Variants in GABRB2 observed in about 807,000 individuals in gnomAD.
GABRB2 encodes gamma-aminobutyric acid type A receptor subunit beta2.
GABRB2 carries 16 observed loss-of-function variants against 54.7 expected under a neutral mutation model. The ratio of observed to expected loss-of-function variants is 0.29; its 90% CI spans 0.20 to 0.44. The LOEUF is 0.44. Ranked by LOEUF, GABRB2 falls within the 20% of genes least tolerant of loss-of-function variation. The pLI, the probability that GABRB2 is intolerant of heterozygous loss-of-function variation, is 1.00. For synonymous variants in GABRB2, 244 were observed against 233.8 expected, an observed-to-expected ratio of 1.04 and a Z score of -0.40; for missense variants, 355 against 644.0, an observed-to-expected ratio of 0.55 and a Z score of 4.86.
chr5:161,532,745 A>G (rs1026470311), intron 3 of GABRB2, among the ~76,000 whole-genome samples: 1 of 152,128 alleles, frequency 6.6e-6, no homozygotes. Context: ...TCTTTCTTCT[A>G]CACAGCTTAA....
intron 3 of GABRB2, among the ~76,000 whole-genome samples, chr5:161,473,276 T>C (rs1011819207): frequency 2.0e-5 from 3 of 151,970 alleles, no homozygotes; most frequent in African/African-American, 7.2e-5. Context: ...ATAGAGAAAC[T>C]CAGCAGATTT....
At chr5:161,309,922 C>T (rs574834877) in intron 9 of GABRB2, among the ~76,000 whole-genome samples, 128 of 152,210 alleles carry the variant, frequency 8.4e-4, no homozygotes, top group African/African-American at 2.6e-3. Flanking sequence ...TGAGCCACCG[C>T]GCCTGGCCCT....
At chr5:161,548,020 G>C (rs867836357), upstream of GABRB2, 5 of 152,384 alleles carry the variant, frequency 3.3e-5, no homozygotes, top group African/African-American at 1.2e-4. Context: ...AGCCGGAGCG[G>C]TCCCTAGAAG....
intron 4 of GABRB2, among the ~76,000 whole-genome samples, chr5:161,456,928 T>C (rs150057040): frequency 6.6e-6 from 1 of 152,328 alleles, no homozygotes; most frequent in African/African-American, 2.4e-5. Context: ...TAATATATTT[T>C]AGCATTATAT....
At chr5:161,370,335 G>T (rs528022073) in intron 5 of GABRB2, among the ~76,000 whole-genome samples, 4 of 152,304 alleles carry the variant, frequency 2.6e-5, no homozygotes, top group South Asian at 2.1e-4. Flanking sequence ...CCATCACAGT[G>T]ATGATAAATC....
chr5:161,544,598 C>T (rs1418714098), intron 3 of GABRB2, among the ~76,000 whole-genome samples: 1 of 152,174 alleles, frequency 6.6e-6, no homozygotes, highest in African/African-American at 2.4e-5. Context: ...AAGCTTAGGA[C>T]ATGTGGTGAA....
chr5:161,531,039 A>G (rs1233404804), intron 3 of GABRB2, among the ~76,000 whole-genome samples: 3 of 152,184 alleles, frequency 2.0e-5, no homozygotes, highest in African/African-American at 7.2e-5. Context: ...GAATTACAGA[A>G]TAAGTCCTGA....
At chr5:161,415,301 T>C (rs1351952190) in intron 4 of GABRB2, among the ~76,000 whole-genome samples, 1 of 152,208 alleles carries the variant, frequency 6.6e-6, no homozygotes, top group Non-Finnish European at 1.5e-5. Flanking sequence ...TAAATTCTAT[T>C]GTATGATGAA....
chr5:161,339,615 T>C (rs937295506), intron 5 of GABRB2, among the ~76,000 whole-genome samples: 1 of 152,152 alleles, frequency 6.6e-6, no homozygotes, highest in African/African-American at 2.4e-5. Flanking sequence ...TATTGAGTGA[T>C]GTTATTCATT....
intron 5 of GABRB2, among the ~76,000 whole-genome samples, chr5:161,370,655 G>T (rs1293102175): frequency 6.6e-6 from 1 of 152,188 alleles, no homozygotes; most frequent in Admixed American, 6.5e-5. Flanking sequence ...TCCAGCAAGA[G>T]ACTGAAATCT....
chr5:161,394,538 A>G (rs915783603), intron 5 of GABRB2, among the ~76,000 whole-genome samples: 2 of 152,086 alleles, frequency 1.3e-5, no homozygotes, highest in African/African-American at 4.8e-5. Context: ...TATAGACATT[A>G]AAAGGATAAT....
intron 5 of GABRB2, among the ~76,000 whole-genome samples, chr5:161,406,511 G>A (rs1329999793): frequency 6.6e-6 from 1 of 151,892 alleles, no homozygotes; most frequent in Non-Finnish European, 1.5e-5. Context: ...CACCAAAACT[G>A]GGATTATTAT....
chr5:161,468,134 T>C (rs575050093), intron 3 of GABRB2, among the ~76,000 whole-genome samples: 1 of 152,210 alleles, frequency 6.6e-6, no homozygotes, highest in East Asian at 1.9e-4. Context: ...CCATTGTTAC[T>C]ATCTCCTTGA....
rs914792526 is a variant in GABRB2 at position 161,454,769 on chromosome 5, AC to A, written c.458+4854del. The stretch of plus-strand genomic sequence containing the variant: ...TCTTCCTATGAATGAGGACAATAAA[AC>A]CTGGAAAATATGCTTAAGGTTCAAT... On this transcript the variant is annotated intron_variant, in intron 4 of 9. Transcript: ENST00000393959. Among the ~76,000 whole-genome samples, 399 of 152,278 alleles carry A rather than the reference AC, an allele frequency of 2.6e-3. 2 individuals are homozygous for A. Among genetic ancestry groups the A allele is most frequent in the African/African-American group, 9.3e-3 (386 of 41,556 alleles).
intron 4 of GABRB2, among the ~76,000 whole-genome samples, chr5:161,435,551 T>G (rs1225280570): frequency 1.3e-5 from 2 of 152,162 alleles, no homozygotes; most frequent in Non-Finnish European, 2.9e-5. Context: ...ATTCCAAATT[T>G]TCTAGGATGA....
intron 9 of GABRB2, among the ~76,000 whole-genome samples, chr5:161,300,105 C>T (rs1347731765): frequency 1.3e-5 from 2 of 151,986 alleles, no homozygotes; most frequent in East Asian, 1.9e-4. Flanking sequence ...GTGTTGGGAG[C>T]AAAATTACAA....
chr5:161,494,313 A>G (rs1759163932), intron 3 of GABRB2, among the ~76,000 whole-genome samples: 1 of 151,866 alleles, frequency 6.6e-6, no homozygotes, highest in African/African-American at 2.4e-5. Flanking sequence ...TTGACTGTCT[A>G]CACTTGATGA....
At chr5:161,504,514 C>T (rs1233118982) in intron 3 of GABRB2, among the ~76,000 whole-genome samples, 3 of 151,682 alleles carry the variant, frequency 2.0e-5, no homozygotes, top group East Asian at 1.9e-4. Context: ...AATAATAAAA[C>T]AATAATATCT....
chr5:161,378,579 T>A (rs1755375587), intron 5 of GABRB2, among the ~76,000 whole-genome samples: 1 of 152,176 alleles, frequency 6.6e-6, no homozygotes, highest in African/African-American at 2.4e-5. Context: ...TTCAAGGTGA[T>A]AATGGCCTTG....
Sources: allele counts gnomAD v4.1 joint callset (sites outside exome capture counted in the v4.1 genomes callset), GRCh38; gene constraint gnomAD v4.1.1; transcripts MANE v1.5; gene names NCBI Gene and HGNC (gene_info 2026-07-23, HGNC 2026-07-21).